The following CEP68 variants were observed in gnomAD, a reference collection of about 807,000 sequenced individuals.
CEP68 encodes centrosomal protein of 68 kDa.
Under a neutral mutation model 55.3 loss-of-function variants are expected in CEP68, and 26 were observed. That is an observed-to-expected ratio of 0.47 (90% CI 0.34 to 0.65). The LOEUF is 0.65. Ranked by LOEUF, CEP68 falls within the 30% of genes least tolerant of loss-of-function variation. The pLI is 0.01. For synonymous variants in CEP68, 402 were observed against 383.2 expected (o/e 1.05, Z -0.57); for missense variants, 957 against 946.7 (o/e 1.01, Z -0.14).
At chr2:65,082,889 G>C (rs529113053) in intron 6 of CEP68, among the ~76,000 whole-genome samples, 180 bp downstream of exon 6, 2 of 152,144 alleles carry the variant, frequency 1.3e-5, no homozygotes, top group African/African-American at 4.8e-5. Context: ...GGCTCACTGC[G>C]GTGCTTTCCA....
chr2:65,060,780 T>C (rs757015516), intron 1 of CEP68, among the ~76,000 whole-genome samples: 1 of 152,186 alleles, frequency 6.6e-6, no homozygotes, highest in Non-Finnish European at 1.5e-5. Flanking sequence ...TTGTTACACA[T>C]GGACACTCTG....
At chr2:65,075,827 A>G (rs1347965945) in intron 4 of CEP68, among the ~76,000 whole-genome samples, 3 of 152,116 alleles carry the variant, frequency 2.0e-5, no homozygotes, top group African/African-American at 4.8e-5. Flanking sequence ...TAACCTGACC[A>G]TATCTTCAGC....
chr2:65,069,367 T>A, intron 1 of CEP68, 32 bp from the exon 2 acceptor site: 1 of 1,106,612 alleles, frequency 9.0e-7, no homozygotes. Context: ...GTAGAAGATT[T>A]ATATTTTTCT....
chr2:65,062,710 G>A (rs565484994), intron 1 of CEP68, among the ~76,000 whole-genome samples: 66 of 151,340 alleles, frequency 4.4e-4, no homozygotes, highest in African/African-American at 1.5e-3. Flanking sequence ...GGTGGTGCAC[G>A]CCTGTAATCC....
At position 65,072,996 on chromosome 2, in the gene CEP68, G is replaced by C; in HGVS notation, c.1884+16G>C. On this transcript the variant is annotated intron_variant, in intron 3 of 6. Coordinates refer to ENST00000377990, the MANE Select transcript of CEP68 (RefSeq NM_015147.3). ...ATGTGTGAAGGTAATGACACTCAAC[G>C]TTAGGAAGCTTTGTGTACAGGTGTC... 1 of 1,613,708 alleles carries C rather than the reference G, an allele frequency of 6.2e-7. No individual in the cohort carries two copies. The highest frequency in any genetic ancestry group is 8.5e-7 in the Non-Finnish European group (1 of 1,179,624).
rs776937093 is a variant in CEP68, at chr2:65,069,724, A to T, written c.280A>T (p.Arg94Trp). 3 of 1,614,102 alleles carry T rather than the reference A, an allele frequency of 1.9e-6. No homozygotes were observed. The Admixed American group carries it at 5.0e-5, about 27-fold the overall frequency. ...TGCCAACAGAGAGCCCGTAGCTGAG[A>T]GGTCTGAGCCTGCACTCAGTGGCCT... ...SDANREPVAE[R>W]SEPALSGLPP... The change falls in exon 2 of 7, where the codon AGG becomes TGG. Residue 94 changes from arginine to tryptophan, a missense_variant. Arg to Trp is a moderately radical substitution (Grantham distance 101). Coordinates refer to ENST00000377990, the MANE Select transcript of CEP68 (RefSeq NM_015147.3).
At position 65,069,734 on chromosome 2, in the gene CEP68, C is replaced by T. The variant is rs144356565; in HGVS notation, c.290C>T (p.Pro97Leu). Residue 97 changes from proline (P) to leucine (L), a missense_variant, in exon 2 of 7, where the codon CCT (proline) becomes CTT (leucine). By Grantham distance (98) the Pro-to-Leu change is moderately conservative. Transcript: ENST00000377990. ...NREPVAERSEPALSGLPPATM... is the reference protein window; with the variant it reads ...NREPVAERSELALSGLPPATM... ...GAGCCCGTAGCTGAGAGGTCTGAGCCTGCACTCAGTGGCCTGCCTCCTGCC... is the reference window on the plus strand; with the variant it reads ...GAGCCCGTAGCTGAGAGGTCTGAGCTTGCACTCAGTGGCCTGCCTCCTGCC... 5.7e-5 allele frequency: 92 copies of T among 1,614,114 alleles called. No individual in the cohort carries two copies. Among genetic ancestry groups the T allele is most frequent in the Non-Finnish European group, 7.6e-5 (90 of 1,180,040 alleles).
At chr2:65,070,643 TG>T (rs1676417687) in intron 2 of CEP68, 1 of 152,114 alleles carries the variant, frequency 6.6e-6, no homozygotes. Flanking sequence ...CTCTGGCACC[TG>T]TGAGTCAGAG....
chr2:65,066,788 G>C (rs1255783256), intron 1 of CEP68, among the ~76,000 whole-genome samples: 3 of 128,174 alleles, frequency 2.3e-5, no homozygotes, highest in African/African-American at 8.9e-5. Context: ...AAAAAAATTA[G>C]CTGGGCATGG....
At position 65,072,333 on chromosome 2, in the gene CEP68, C is replaced by T. The variant is rs141435576; in HGVS notation, c.1237C>T (p.Arg413Cys). The T allele has an allele frequency of 2.9e-4, 475 of 1,613,784 alleles. No individual in the cohort carries two copies. Among genetic ancestry groups the T allele is most frequent in the Non-Finnish European group, 3.7e-4 (432 of 1,180,020 alleles). The change falls in exon 3 of 7, where the codon CGC becomes TGC. Residue 413 changes from arginine to cysteine, a missense_variant. Physicochemically the swap from Arg to Cys is radical, Grantham distance 180. Transcript: ENST00000377990. ...AGGCAGTAGGGATGCTCGTTGGGAG[C>T]GCAGAGAGCCAGCCCTGAGGGGTGC... ...APGSRDARWE[R>C]REPALRGAKD...
chr2:65,074,536 A>AT (rs1676667982), intron 4 of CEP68, 132 bp downstream of exon 4: 2 of 1,296,904 alleles, frequency 1.5e-6, no homozygotes, highest in Admixed American at 1.7e-5. Context: ...CTGAAATCTA[A>AT]TTAGAGCTTC....
At position 65,081,427 on chromosome 2, in the gene CEP68, T is replaced by C. The variant is rs546775944; in HGVS notation, c.2105-1109T>C. Reference sequence around the variant, plus strand: ...TCTCCTTCTACTCATCCAGTCAGCATTGTCTGCAGATAAGCTTCCTCTTTC... The same window carrying C: ...TCTCCTTCTACTCATCCAGTCAGCACTGTCTGCAGATAAGCTTCCTCTTTC... On this transcript the variant is annotated intron_variant, in intron 5 of 6. Transcript: ENST00000377990. Among the ~76,000 whole-genome samples the C allele has an allele frequency of 6.9e-5, 6 of 87,068 alleles. No individual in the cohort carries two copies. The East Asian group carries it at 3.0e-3, about 43-fold the overall frequency. 57.1% of individuals were successfully genotyped at this position (87,068 alleles called of 152,430 possible). A position where few individuals can be genotyped will look rare whatever the true frequency, so the allele number is the denominator to read the frequency against.
chr2:65,061,875 T>A (rs1675928933), intron 1 of CEP68, among the ~76,000 whole-genome samples: 1 of 152,268 alleles, frequency 6.6e-6, no homozygotes, highest in Non-Finnish European at 1.5e-5. Context: ...TTTAAGCTCC[T>A]TTATTCCATA....
rs1489921800 is a variant in CEP68 at position 65,084,005 on chromosome 2, C to T, written c.*371C>T. 1 of 152,150 alleles carries T rather than the reference C, an allele frequency of 6.6e-6. No individual in the cohort carries two copies. Among genetic ancestry groups the T allele is most frequent in the Non-Finnish European group, 1.5e-5 (1 of 68,036 alleles). 9.4% of individuals were successfully genotyped at this position (152,150 alleles called of 1,614,324 possible). ...AAGGGCTGGTAGGAGATTCCGAATA[C>T]TCAATATTCTCAGGCATGCAAGAGG... On this transcript the variant is annotated 3_prime_UTR_variant, in exon 7 of 7. Coordinates refer to ENST00000377990, the MANE Select transcript of CEP68 (RefSeq NM_015147.3).
At position 65,081,694 on chromosome 2, in the gene CEP68, T is replaced by G. The variant is rs181084161; in HGVS notation, c.2105-842T>G. ...TCCCTTAGACTGCTTTCGGGTCATT[T>G]TTTTGTTTTGTTTTGTTTTTGAGAC... On this transcript the variant is annotated intron_variant, in intron 5 of 6. Transcript: ENST00000377990. Among the ~76,000 whole-genome samples the G allele has an allele frequency of 3.1e-3, 473 of 151,954 alleles. 4 individuals are homozygous for G. Among genetic ancestry groups the G allele is most frequent in the African/African-American group, 0.011 (454 of 41,336 alleles).
At chr2:65,081,694 T>TTTTG (rs1668824381) in intron 5 of CEP68, among the ~76,000 whole-genome samples, 1 of 151,836 alleles carries the variant, frequency 6.6e-6, no homozygotes, top group African/African-American at 2.4e-5. Context: ...TCGGGTCATT[T>TTTTG]TTTTGTTTTG....
At chr2:65,068,206 C>T (rs1429445576) in intron 1 of CEP68, among the ~76,000 whole-genome samples, 1 of 152,218 alleles carries the variant, frequency 6.6e-6, no homozygotes, top group Non-Finnish European at 1.5e-5. Flanking sequence ...GGTCTTCCTC[C>T]TGTTGGCTTT....
At chr2:65,059,299 C>A (rs910538114) in intron 1 of CEP68, among the ~76,000 whole-genome samples, 1 of 152,200 alleles carries the variant, frequency 6.6e-6, no homozygotes, top group African/African-American at 2.4e-5. Context: ...TTTCTGGTTA[C>A]AGGAAACAGG....
chr2:65,058,332 T>G (rs1675746276), intron 1 of CEP68, among the ~76,000 whole-genome samples: 1 of 151,694 alleles, frequency 6.6e-6, no homozygotes, highest in Non-Finnish European at 1.5e-5. Flanking sequence ...GCCTCCCAAG[T>G]AGCTGGGATC....
Sources: allele counts gnomAD v4.1 joint callset (sites outside exome capture counted in the v4.1 genomes callset), GRCh38; gene constraint gnomAD v4.1.1; transcripts MANE v1.5; gene names NCBI Gene and HGNC (gene_info 2026-07-23, HGNC 2026-07-21).